The following WIPF3 variants were observed in gnomAD, a reference collection of about 807,000 sequenced individuals.
WIPF3 encodes the protein WAS/WASL interacting protein family member 3.
Under a neutral mutation model 38.9 loss-of-function variants are expected in WIPF3, and 33 were observed. That is an observed-to-expected ratio of 0.85 (90% CI 0.64 to 1.14). The LOEUF (loss-of-function observed/expected upper bound fraction) is 1.14. Among genes scored for constraint, WIPF3 ranks in the 50% most tolerant of loss-of-function variants. WIPF3 has a pLI of 0.00. For missense variants in WIPF3, 711 were observed against 652.5 expected (o/e 1.09, Z -0.98); for synonymous variants, 324 against 269.3 (o/e 1.20, Z -1.99).
rs186275680 is a variant in WIPF3 at position 29,844,327 on chromosome 7, C to T, written c.90+9513C>T. On this transcript the variant is annotated intron_variant, in intron 2 of 8. Transcript: ENST00000242140. The surrounding 1 kb of genome is among the most constrained non-coding windows in gnomAD (Gnocchi z 4.8). Reference sequence around the variant, plus strand: ...AAAAAGGAATGAATTATCACTTACCCATTGGCTGAGTTGGATCCTGTAACA... The same window carrying T: ...AAAAAGGAATGAATTATCACTTACCTATTGGCTGAGTTGGATCCTGTAACA... Among the ~76,000 whole-genome samples, 41 of 152,300 alleles carry T rather than the reference C, an allele frequency of 2.7e-4. 1 individual carries two copies. Among genetic ancestry groups the T allele is most frequent in the Admixed American group, 1.2e-3 (19 of 15,300 alleles).
intron 2 of WIPF3, among the ~76,000 whole-genome samples, chr7:29,872,620 C>G (rs1385898789): frequency 6.6e-6 from 1 of 151,652 alleles, no homozygotes; most frequent in African/African-American, 2.4e-5. Context: ...CGTAAAACCC[C>G]GTCTCTACTA....
intron 1 of WIPF3, among the ~76,000 whole-genome samples, chr7:29,820,413 A>C (rs73303115): frequency 0.019 from 2,894 of 152,086 alleles, 96 homozygotes; most frequent in African/African-American, 0.064. Context: ...TATGGCAGAT[A>C]TGTTTGTTAT....
At chr7:29,905,822 T>C (rs528031097) in intron 8 of WIPF3, 2 of 152,286 alleles carry the variant, frequency 1.3e-5, no homozygotes, top group East Asian at 1.9e-4. Context: ...TTGTTCCTCC[T>C]GTCCTTGCTC....
At chr7:29,807,631 G>C (rs1248886500) in intron 1 of WIPF3, among the ~76,000 whole-genome samples, 3 of 152,254 alleles carry the variant, frequency 2.0e-5, no homozygotes, top group African/African-American at 7.2e-5. Context: ...CCTCTGGAAA[G>C]AAGTTTCTGC....
intron 2 of WIPF3, among the ~76,000 whole-genome samples, chr7:29,838,166 C>G (rs1033148445): frequency 6.6e-6 from 1 of 152,324 alleles, no homozygotes; most frequent in East Asian, 1.9e-4. Flanking sequence ...GATCCACCTG[C>G]CTCAGCCTCC....
At chr7:29,894,947 C>T (rs174989) in intron 7 of WIPF3, among the ~76,000 whole-genome samples, 106,521 of 150,120 alleles carry the variant, frequency 0.71, 38,362 homozygotes, top group South Asian at 0.89. Flanking sequence ...TGTTGTTTTT[C>T]GCTTTTGTTT....
chr7:29,884,264 T>TGGCCCC lies in WIPF3; in HGVS notation c.770_771insGGCCCC (p.Leu257_Pro258insAlaPro). ...AAGCCTCAGCTGGCTCCCTTGCACCTCCCGCCCATCCCGCCCCCGCTCCCT... is the reference window on the plus strand; with the variant it reads ...AAGCCTCAGCTGGCTCCCTTGCACCTGGCCCCCCCGCCCATCCCGCCCCCGCTCCCT... On this transcript the variant is annotated inframe_insertion, in exon 5 of 9. Coordinates refer to ENST00000242140, the MANE Select transcript of WIPF3 (RefSeq NM_001080529.3). 417 of 1,314,760 alleles carry TGGCCCC rather than the reference T, an allele frequency of 3.2e-4. No homozygotes were observed. Among genetic ancestry groups the TGGCCCC allele is most frequent in the Non-Finnish European group, 3.8e-4 (374 of 992,228 alleles). 81.4% of individuals were successfully genotyped at this position (1,314,760 alleles called of 1,614,324 possible). A position where few individuals can be genotyped will look rare whatever the true frequency, so the allele number is the denominator to read the frequency against.
At chr7:29,904,474 C>T in intron 8 of WIPF3, 112 bp downstream of exon 8, 1 of 1,082,644 alleles carries the variant, frequency 9.2e-7, no homozygotes. Context: ...CCTCACACTC[C>T]TTTTCCTCAG....
At chr7:29,846,162 C>T (rs140174408) in intron 2 of WIPF3, among the ~76,000 whole-genome samples, 1 of 152,170 alleles carries the variant, frequency 6.6e-6, no homozygotes, top group Admixed American at 6.5e-5. Flanking sequence ...ATTTTAAAAG[C>T]CATAAAGTAT....
chr7:29,818,610 G>GT (rs1784492647), intron 1 of WIPF3, among the ~76,000 whole-genome samples: 1 of 149,464 alleles, frequency 6.7e-6, no homozygotes, highest in African/African-American at 2.5e-5. Context: ...AGTCTGTTAG[G>GT]TTTTCCATAT....
In WIPF3 at chr7:29,915,351, A is replaced by G. The variant is rs1312978782; in HGVS notation, c.*835A>G. On this transcript the variant is annotated 3_prime_UTR_variant, in exon 9 of 9. Coordinates refer to ENST00000242140, the MANE Select transcript of WIPF3 (RefSeq NM_001080529.3). ...TCCCTACAGATTAAAAACATACACA[A>G]CTCATCATTATGCTAAACTACCAGT... is the stretch of plus-strand genomic sequence containing the variant. The G allele has an allele frequency of 2.0e-5, 3 of 151,522 alleles. No individual in the cohort carries two copies. Among genetic ancestry groups the G allele is most frequent in the African/African-American group, 7.3e-5 (3 of 41,194 alleles). 9.4% of individuals were successfully genotyped at this position (151,522 alleles called of 1,614,324 possible).
At chr7:29,813,928 T>TG (rs1784419286) in intron 1 of WIPF3, among the ~76,000 whole-genome samples, 1 of 151,924 alleles carries the variant, frequency 6.6e-6, no homozygotes, top group African/African-American at 2.4e-5. Flanking sequence ...AAGAGAATTT[T>TG]TTTTTTTTTT....
chr7:29,870,583 T>G (rs11971596), intron 2 of WIPF3, among the ~76,000 whole-genome samples: 2,671 of 152,236 alleles, frequency 0.018, 81 homozygotes, highest in African/African-American at 0.06. Context: ...GTGGATGAGA[T>G]AACCTTGATG....
intron 8 of WIPF3, among the ~76,000 whole-genome samples, chr7:29,913,188 A>G (rs1786536757): frequency 6.6e-6 from 1 of 152,102 alleles, no homozygotes; most frequent in Non-Finnish European, 1.5e-5. Flanking sequence ...CTCTACTAAA[A>G]ATACAGAATT....
At position 29,894,923 on chromosome 7, in the gene WIPF3, T is replaced by TG. The variant is rs940613178; in HGVS notation, c.1351+5516_1351+5517insG. Among the ~76,000 whole-genome samples, 27 of 150,964 alleles carry TG rather than the reference T, an allele frequency of 1.8e-4. 1 individual carries two copies. The Middle Eastern group carries it at 0.017, about 95-fold the overall frequency. The stretch of plus-strand genomic sequence containing the variant: ...TTGTGTTTTGTGTGTGTTGTTGTTT[T>TG]TTTTTGTTGTTGTTGTTGTTTTTCG... On this transcript the variant is annotated intron_variant, in intron 7 of 8. Coordinates refer to ENST00000242140, the MANE Select transcript of WIPF3 (RefSeq NM_001080529.3).
intron 1 of WIPF3, among the ~76,000 whole-genome samples, chr7:29,811,533 A>C (rs1351244843): frequency 6.6e-6 from 1 of 152,172 alleles, no homozygotes; most frequent in Admixed American, 6.5e-5. Flanking sequence ...CAGCCAAAAC[A>C]AAAAAGAAAA....
chr7:29,813,596 A>G (rs10216128), intron 1 of WIPF3, among the ~76,000 whole-genome samples: 17,503 of 152,164 alleles, frequency 0.12, 1,112 homozygotes, highest in African/African-American at 0.16. Flanking sequence ...TTCTATTCAT[A>G]TTTTTTGCCC....
At chr7:29,887,390 G>A (rs1179750753) in intron 5 of WIPF3, among the ~76,000 whole-genome samples, 1 of 152,226 alleles carries the variant, frequency 6.6e-6, no homozygotes, top group Non-Finnish European at 1.5e-5. Flanking sequence ...TGATGTGCCA[G>A]GATAGCAGAT....
intron 2 of WIPF3, among the ~76,000 whole-genome samples, chr7:29,851,854 A>G (rs1001955899): frequency 2.0e-5 from 3 of 152,172 alleles, no homozygotes; most frequent in African/African-American, 7.2e-5. Context: ...GGACAGTCCT[A>G]TAGGGAGAGG....
Sources: gnomAD v4.1 joint callset for allele counts (sites outside exome capture counted in the v4.1 genomes callset) on GRCh38, gnomAD v4.1.1 for gene constraint, Gnocchi (gnomAD v3.1) non-coding constraint, MANE v1.5 for transcripts, NCBI Gene and HGNC (gene_info 2026-07-23, HGNC 2026-07-21) for gene names.